The following OTUD7A variants were observed in gnomAD, a reference collection of about 807,000 sequenced individuals.
OTUD7A encodes the protein OTU domain-containing protein 7A.
In OTUD7A, 12 loss-of-function variants were observed where a neutral mutation model predicts 65.7. The observed-to-expected ratio is 0.18, with a 90% CI of 0.12 to 0.30. The LOEUF is 0.30. OTUD7A is among the 10% of genes least tolerant of loss of function. OTUD7A has a pLI of 1.00. For missense variants in OTUD7A, 1,148 were observed against 1,304.8 expected, an observed-to-expected ratio of 0.88 and a Z score of 1.85; for synonymous variants, 641 against 586.3, an observed-to-expected ratio of 1.09 and a Z score of -1.35.
At chr15:31,504,446 G>A (rs1180141069) in intron 8 of OTUD7A, among the ~76,000 whole-genome samples, 1 of 152,220 alleles carries the variant, frequency 6.6e-6, no homozygotes, top group African/African-American at 2.4e-5. Context: ...GGAAACCGCA[G>A]GCTCAAGAAT....
intron 1 of OTUD7A, among the ~76,000 whole-genome samples, chr15:31,817,963 G>A (rs1267141128): frequency 1.3e-5 from 2 of 152,198 alleles, no homozygotes; most frequent in Non-Finnish European, 2.9e-5. Flanking sequence ...TGGGATTCAT[G>A]CCCTTAGAAG....
Position 31,610,593 on chromosome 15 carries a change from TTA to T in OTUD7A, c.152-40398_152-40397del, listed in dbSNP as rs1244768576. Reference sequence around the variant, plus strand: ...CTCAATAAATTTAAGAAAAATGAAATTATATATATATATATATATATATATTT... The same window carrying T: ...CTCAATAAATTTAAGAAAAATGAAATTATATATATATATATATATATATTT... On this transcript the variant is annotated intron_variant, in intron 3 of 12. Transcript: ENST00000307050. Among the ~76,000 whole-genome samples, 189 of 80,984 alleles carry T rather than the reference TTA, an allele frequency of 2.3e-3. 7 individuals are homozygous for T. The highest frequency in any genetic ancestry group is 6.8e-3 in the Middle Eastern group (1 of 148). 53.1% of individuals were successfully genotyped at this position (80,984 alleles called of 152,430 possible).
chr15:31,822,311 T>C (rs1401491061), intron 1 of OTUD7A, among the ~76,000 whole-genome samples: 1 of 152,180 alleles, frequency 6.6e-6, no homozygotes, highest in East Asian at 1.9e-4. Context: ...CGCTGCTCTC[T>C]GGGGGCAGGC....
At chr15:31,512,158 T>A (rs971778117) in intron 8 of OTUD7A, among the ~76,000 whole-genome samples, 3 of 152,172 alleles carry the variant, frequency 2.0e-5, no homozygotes, top group Non-Finnish European at 4.4e-5. Flanking sequence ...TACCGGTGTT[T>A]TTTCCTGGTG....
At chr15:31,526,717 C>T (rs527587926) in intron 7 of OTUD7A, among the ~76,000 whole-genome samples, 2 of 152,136 alleles carry the variant, frequency 1.3e-5, no homozygotes, top group African/African-American at 2.4e-5. Context: ...TGGGGATGAC[C>T]GAGCATTAAC....
intron 1 of OTUD7A, among the ~76,000 whole-genome samples, chr15:31,743,796 T>C (rs552887291): frequency 1.3e-5 from 2 of 151,514 alleles, no homozygotes; most frequent in Non-Finnish European, 2.9e-5. Flanking sequence ...TAAAATTTGA[T>C]TCATTGAAAG....
intron 5 of OTUD7A, among the ~76,000 whole-genome samples, chr15:31,554,657 CTCTG>C (rs1888433227): frequency 6.6e-6 from 1 of 152,176 alleles, no homozygotes; most frequent in African/African-American, 2.4e-5. Flanking sequence ...ACAAAAATGC[CTCTG>C]CCCTCTGCCC....
intron 3 of OTUD7A, among the ~76,000 whole-genome samples, chr15:31,628,326 C>T (rs1253852488): frequency 6.6e-6 from 1 of 152,136 alleles, no homozygotes; most frequent in Non-Finnish European, 1.5e-5. Flanking sequence ...GCCAGTTTTC[C>T]CAGCACCATT....
intron 3 of OTUD7A, among the ~76,000 whole-genome samples, chr15:31,610,285 G>T (rs986572037): frequency 1.3e-5 from 2 of 151,884 alleles, no homozygotes; most frequent in African/African-American, 2.4e-5. Flanking sequence ...ACCTAACACC[G>T]GAGCTCCCAA....
intron 8 of OTUD7A, among the ~76,000 whole-genome samples, chr15:31,518,633 C>A (rs1272570129): frequency 1.3e-5 from 2 of 152,232 alleles, no homozygotes; most frequent in East Asian, 3.8e-4. Context: ...CCTGAGACAC[C>A]CACAGCACAG....
rs572704464 is a variant in OTUD7A at position 31,788,586 on chromosome 15, T to A, written c.-100+81921A>T. Among the ~76,000 whole-genome samples, 15 of 152,354 alleles carry A rather than the reference T, an allele frequency of 9.8e-5. No homozygotes were observed. The South Asian group carries it at 3.1e-3, about 32-fold the overall frequency. On this transcript the variant is annotated intron_variant, in intron 1 of 12. Transcript: ENST00000307050. The stretch of plus-strand genomic sequence containing the variant: ...ATGAAAGAATGCCCTAACCGTCAAG[T>A]AGCCCATCTTGGCCAATCATCCATA...
At chr15:31,496,412 C>T (rs1369242737) in intron 10 of OTUD7A, among the ~76,000 whole-genome samples, 5 of 151,876 alleles carry the variant, frequency 3.3e-5, no homozygotes, top group South Asian at 2.1e-4. Context: ...TTAGTAGAGA[C>T]GGGGTTTCAC....
chr15:31,671,625 A>T (rs184300645), intron 1 of OTUD7A, among the ~76,000 whole-genome samples: 1 of 152,258 alleles, frequency 6.6e-6, no homozygotes, highest in East Asian at 1.9e-4. Context: ...TGTGCTTCCT[A>T]ATACTGAACC....
rs2042075578 is a variant in OTUD7A, at chr15:31,530,825, C to T, written c.551-17G>A. The T allele has an allele frequency of 1.2e-6, 2 of 1,609,096 alleles. No homozygotes were observed. The highest frequency in any genetic ancestry group is 1.3e-5 in the African/African-American group (1 of 74,688). ...TCAGGCGACCTGGAAAAGAAGCTCA[C>T]TTTAGAACAGGATCCCAGAAAAGGA... On this transcript the variant is annotated splice_polypyrimidine_tract_variant and intron_variant, in intron 5 of 12. Transcript: ENST00000307050.
intron 3 of OTUD7A, among the ~76,000 whole-genome samples, chr15:31,602,751 C>T (rs749437027): frequency 2.0e-5 from 3 of 152,148 alleles, no homozygotes; most frequent in African/African-American, 4.8e-5. Flanking sequence ...GTAACTTCAG[C>T]GAAATCTCGG....
At chr15:31,582,495 A>G (rs1299001676) in intron 3 of OTUD7A, among the ~76,000 whole-genome samples, 1 of 152,230 alleles carries the variant, frequency 6.6e-6, no homozygotes, top group African/African-American at 2.4e-5. Flanking sequence ...GAGGAAACAG[A>G]TTTAATTGGC....
rs754781115 is a variant in OTUD7A, at chr15:31,482,525, T to G, written c.*769A>C. The G allele has an allele frequency of 3.3e-5, 5 of 152,342 alleles. No individual in the cohort carries two copies. Among genetic ancestry groups the G allele is most frequent in the Non-Finnish European group, 5.9e-5 (4 of 68,122 alleles). The allele number at this position is 152,342 out of a possible 1,614,324, so 9.4% of individuals were successfully genotyped here. ...AATTGTGAGATGGGAACCCTGCTTT[T>G]TGGACCCTAGGTGTCTTTGGAAAGC... On this transcript the variant is annotated 3_prime_UTR_variant, in exon 13 of 13. Transcript: ENST00000307050.
At chr15:31,748,567 T>C (rs578123524) in intron 1 of OTUD7A, among the ~76,000 whole-genome samples, 70 of 152,202 alleles carry the variant, frequency 4.6e-4, no homozygotes, top group African/African-American at 1.7e-3. Flanking sequence ...GCAACTTTTC[T>C]ATACATGTGG....
intron 3 of OTUD7A, among the ~76,000 whole-genome samples, chr15:31,637,398 G>T (rs1424738810): frequency 6.6e-6 from 1 of 152,184 alleles, no homozygotes. Context: ...CAGAAAGAAA[G>T]ATTTCTTTCA....
Sources: gnomAD v4.1 joint callset for allele counts (sites outside exome capture counted in the v4.1 genomes callset) on GRCh38, gnomAD v4.1.1 for gene constraint, MANE v1.5 for transcripts, NCBI Gene and HGNC (gene_info 2026-07-23, HGNC 2026-07-21) for gene names.